The following TMEM117 variants were observed in gnomAD, a reference collection of about 807,000 sequenced individuals.
TMEM117 encodes the protein transmembrane protein 117.
In TMEM117, 27 loss-of-function variants were observed where a neutral mutation model predicts 52.4. That is an observed-to-expected ratio of 0.51 (90% CI 0.38 to 0.71). The LOEUF (loss-of-function observed/expected upper bound fraction) is 0.71. Ranked by LOEUF, TMEM117 falls within the 30% of genes least tolerant of loss-of-function variation. The pLI is 0.00. For missense variants in TMEM117, 556 were observed against 630.5 expected (o/e 0.88, Z 1.26); for synonymous variants, 215 against 206.3 (o/e 1.04, Z -0.36).
At chr12:43,814,034 G>C in the TMEM117 span, among the ~76,000 whole-genome samples, 1 of 152,082 alleles carries the variant, frequency 6.6e-6, no homozygotes, top group African/African-American at 2.4e-5. Context: ...TTATAATGGA[G>C]ATGGACTAAC....
At chr12:44,329,364 AGTGGAG>A (rs2138719931) in intron 6 of TMEM117, among the ~76,000 whole-genome samples, 1 of 152,220 alleles carries the variant, frequency 6.6e-6, no homozygotes, top group Non-Finnish European at 1.5e-5. Context: ...AATTTAAAGC[AGTGGAG>A]GTGAGCACTA....
At chr12:44,273,260 A>G (rs901453031) in intron 5 of TMEM117, among the ~76,000 whole-genome samples, 17 of 152,010 alleles carry the variant, frequency 1.1e-4, no homozygotes, top group Non-Finnish European at 1.8e-4. Flanking sequence ...AGATGTACCT[A>G]ATGTAAATGA....
intron 5 of TMEM117, 91 bp from the exon 6 acceptor site, chr12:44,299,489 G>T: frequency 1.3e-6 from 2 of 1,492,108 alleles, no homozygotes; most frequent in South Asian, 1.3e-5. Context: ...TTGCCAAGGG[G>T]CAGACATTTA....
At chr12:44,173,005 G>A (rs182277849) in intron 4 of TMEM117, among the ~76,000 whole-genome samples, 12 of 152,324 alleles carry the variant, frequency 7.9e-5, no homozygotes, top group Admixed American at 5.2e-4. Flanking sequence ...GATTACAGGC[G>A]TGGGCCACCG....
chr12:43,951,038 G>GT (rs1846543950), intron 3 of TMEM117, among the ~76,000 whole-genome samples: 1 of 152,200 alleles, frequency 6.6e-6, no homozygotes, highest in African/African-American at 2.4e-5. Flanking sequence ...CACCCAGGAA[G>GT]TGCATGGAGC....
downstream of TMEM117, among the ~76,000 whole-genome samples, chr12:44,393,488 A>G (rs73276294): frequency 3.9e-3 from 567 of 144,352 alleles, 6 homozygotes; most frequent in African/African-American, 0.014. Flanking sequence ...TAATTTCACT[A>G]TACAGATGGT....
chr12:43,861,435 T>G (rs1220133877), intron 2 of TMEM117, among the ~76,000 whole-genome samples: 1 of 152,222 alleles, frequency 6.6e-6, no homozygotes, highest in Non-Finnish European at 1.5e-5. Context: ...GTTGCTCCCC[T>G]GCTTCTATTT....
At chr12:44,322,708 G>A (rs568546630) in intron 6 of TMEM117, among the ~76,000 whole-genome samples, 1 of 152,112 alleles carries the variant, frequency 6.6e-6, no homozygotes, top group South Asian at 2.1e-4. Context: ...AACCTACATG[G>A]ACATTTTAAT....
rs941988724 is a variant in TMEM117 at position 44,331,970 on chromosome 12, A to G, written c.768+32231A>G. 7.2e-5 allele frequency among the ~76,000 whole-genome samples: 11 copies of G among 152,090 alleles called. No individual in the cohort carries two copies. The East Asian group carries it at 1.9e-3, about 27-fold the overall frequency. On this transcript the variant is annotated intron_variant, in intron 6 of 7. Coordinates refer to ENST00000266534, the MANE Select transcript of TMEM117 (RefSeq NM_032256.3). Reference sequence around the variant, plus strand: ...AATAAATTTAATTAATTAAGATAAGATTTATTAATAATGTGTGAATGCCTA... The same window carrying G: ...AATAAATTTAATTAATTAAGATAAGGTTTATTAATAATGTGTGAATGCCTA...
chr12:44,357,525 C>T (rs1951666530), intron 6 of TMEM117, among the ~76,000 whole-genome samples: 1 of 152,022 alleles, frequency 6.6e-6, no homozygotes. Flanking sequence ...TGTGGCTATA[C>T]ATAGAGTAGA....
intron 2 of TMEM117, among the ~76,000 whole-genome samples, chr12:43,909,764 G>T (rs1339845955): frequency 6.8e-6 from 1 of 146,038 alleles, no homozygotes; most frequent in African/African-American, 2.5e-5. Flanking sequence ...TAAATTCCTC[G>T]ACACATACAC....
At chr12:43,805,594 C>G in the TMEM117 span, 1 of 471,534 alleles carries the variant, frequency 2.1e-6, no homozygotes, top group South Asian at 1.5e-5. Context: ...ACTGTCTGCA[C>G]GCATTACATG....
At chr12:44,246,970 T>C (rs1306208230) in intron 5 of TMEM117, among the ~76,000 whole-genome samples, 2 of 152,204 alleles carry the variant, frequency 1.3e-5, no homozygotes, top group Non-Finnish European at 2.9e-5. Flanking sequence ...CAGTGGTTAT[T>C]TTTAATCATC....
intron 3 of TMEM117, among the ~76,000 whole-genome samples, chr12:44,130,138 C>A (rs1363961132): frequency 2.0e-5 from 3 of 152,092 alleles, no homozygotes; most frequent in Non-Finnish European, 4.4e-5. Flanking sequence ...CTTTGTTATA[C>A]TAATTGGTTC....
chr12:43,797,233 T>A, the TMEM117 span: 13 of 1,496,998 alleles, frequency 8.7e-6, no homozygotes, highest in South Asian at 1.7e-4. Context: ...AAGAAATAAG[T>A]AAGAATATAG....
intron 6 of TMEM117, among the ~76,000 whole-genome samples, chr12:44,315,277 C>A (rs1256498681): frequency 6.6e-6 from 1 of 152,042 alleles, no homozygotes; most frequent in Non-Finnish European, 1.5e-5. Context: ...TTAATAATTT[C>A]TTTTCTTCTG....
intron 3 of TMEM117, among the ~76,000 whole-genome samples, chr12:44,023,809 G>A (rs1946490307): frequency 8.6e-6 from 1 of 116,568 alleles, no homozygotes; most frequent in South Asian, 3.2e-4. Context: ...TCCGGGGACT[G>A]TTGTGGGGTG....
At chr12:43,978,782 G>T (rs1386658128) in intron 3 of TMEM117, among the ~76,000 whole-genome samples, 1 of 152,044 alleles carries the variant, frequency 6.6e-6, no homozygotes, top group Non-Finnish European at 1.5e-5. Flanking sequence ...ATCATCTGTG[G>T]CCTGTATAGA....
At chr12:44,151,333 T>G (rs534182504) in intron 4 of TMEM117, among the ~76,000 whole-genome samples, 1 of 151,922 alleles carries the variant, frequency 6.6e-6, no homozygotes, top group East Asian at 1.9e-4. Context: ...CCGCACCTTT[T>G]TTTTTTGATG....
Sources: gnomAD v4.1 joint callset for allele counts (sites outside exome capture counted in the v4.1 genomes callset) on GRCh38, gnomAD v4.1.1 for gene constraint, MANE v1.5 for transcripts, NCBI Gene and HGNC (gene_info 2026-07-23, HGNC 2026-07-21) for gene names.